PKIA: variants seen among roughly 807,000 people sequenced by gnomAD.
PKIA encodes the protein PKI-alpha.
PKIA carries 4 observed loss-of-function variants against 7.6 expected under a neutral mutation model. The observed-to-expected ratio is 0.52, with a 90% CI of 0.26 to 1.20. PKIA has a LOEUF of 1.20. Ranked by LOEUF, PKIA falls within the 50% of genes most tolerant of loss-of-function variation. PKIA has a pLI of 0.13. For synonymous variants in PKIA, 21 were observed against 30.7 expected, an observed-to-expected ratio of 0.68 and a Z score of 1.04; for missense variants, 73 against 86.2, an observed-to-expected ratio of 0.85 and a Z score of 0.61.
chr8:78,578,118 A>G (rs1397659777), intron 2 of PKIA, among the ~76,000 whole-genome samples: 1 of 152,014 alleles, frequency 6.6e-6, no homozygotes, highest in Non-Finnish European at 1.5e-5. Flanking sequence ...TGTTAAAGTA[A>G]TAAATAATAC....
intron 2 of PKIA, among the ~76,000 whole-genome samples, chr8:78,573,766 G>A (rs1464072549): frequency 6.6e-6 from 1 of 151,964 alleles, no homozygotes; most frequent in Non-Finnish European, 1.5e-5. Context: ...TGCTTTGTGT[G>A]TTGGCTTCTG....
At chr8:78,572,541 GCACACACACA>G (rs1554582465) in intron 1 of PKIA, among the ~76,000 whole-genome samples, 4 of 98,446 alleles carry the variant, frequency 4.1e-5, no homozygotes, top group South Asian at 3.4e-4. Flanking sequence ...AAAGCTGCAC[GCACACACACA>G]CACACACACA....
rs550713398 is a variant in PKIA, at chr8:78,592,876, G to A, written c.-27-5482G>A. On this transcript the variant is annotated intron_variant, in intron 2 of 3. Transcript: ENST00000396418. The stretch of plus-strand genomic sequence containing the variant: ...AGAATTAGATATAAACCCCTACAAG[G>A]ATATGTATTATCATGGCAGTTAGAA... Among the ~76,000 whole-genome samples, 101 of 152,124 alleles carry A rather than the reference G, an allele frequency of 6.6e-4. 1 individual carries two copies. The highest frequency in any genetic ancestry group is 6.8e-3 in the Middle Eastern group (2 of 294).
intron 2 of PKIA, among the ~76,000 whole-genome samples, chr8:78,584,030 C>G (rs1157155714): frequency 6.6e-6 from 1 of 152,062 alleles, no homozygotes; most frequent in East Asian, 1.9e-4. Flanking sequence ...TTCTATAAGA[C>G]TTTTAAAAAT....
At chr8:78,577,178 C>G (rs1295492502) in intron 2 of PKIA, among the ~76,000 whole-genome samples, 1 of 151,894 alleles carries the variant, frequency 6.6e-6, no homozygotes, top group Non-Finnish European at 1.5e-5. Context: ...TATATGTATA[C>G]ATGTGCCATG....
chr8:78,571,495 T>C (rs1339193595), intron 1 of PKIA, among the ~76,000 whole-genome samples: 2 of 152,130 alleles, frequency 1.3e-5, no homozygotes, highest in Admixed American at 1.3e-4. Context: ...GCTGAAACTT[T>C]CAATCCCTGA....
chr8:78,546,173 A>C (rs946875261), intron 1 of PKIA, among the ~76,000 whole-genome samples: 1 of 152,162 alleles, frequency 6.6e-6, no homozygotes, highest in African/African-American at 2.4e-5. Context: ...TGTCCTGGGG[A>C]CATGACTAGT....
Position 78,592,788 on chromosome 8 carries a change from T to A in PKIA, c.-27-5570T>A, listed in dbSNP as rs147425745. ...TATATATACCTTCTCATGGAAAATG[T>A]TACCACATTTCTCTGCCTCATTTTT... On this transcript the variant is annotated intron_variant, in intron 2 of 3. Transcript: ENST00000396418. Among the ~76,000 whole-genome samples the A allele has an allele frequency of 3.5e-3, 540 of 152,284 alleles. 4 individuals carry two copies. Among genetic ancestry groups the A allele is most frequent in the African/African-American group, 0.012 (499 of 41,566 alleles).
At chr8:78,561,239 A>G (rs1807278279) in intron 1 of PKIA, among the ~76,000 whole-genome samples, 1 of 152,180 alleles carries the variant, frequency 6.6e-6, no homozygotes, top group South Asian at 2.1e-4. Flanking sequence ...GTATTTAACT[A>G]CATATAGGTG....
At chr8:78,589,189 G>A (rs1265818009) in intron 2 of PKIA, among the ~76,000 whole-genome samples, 8 of 152,088 alleles carry the variant, frequency 5.3e-5, no homozygotes, top group Non-Finnish European at 1.0e-4. Flanking sequence ...GAAGATGAAT[G>A]ATGACCTTGG....
At chr8:78,599,442 T>G (rs1692786964) in intron 3 of PKIA, among the ~76,000 whole-genome samples, 1 of 151,996 alleles carries the variant, frequency 6.6e-6, no homozygotes, top group Non-Finnish European at 1.5e-5. Context: ...GAAAACTGAG[T>G]CAGAGTATAT....
intron 1 of PKIA, among the ~76,000 whole-genome samples, chr8:78,530,071 T>A (rs1806356234): frequency 6.6e-6 from 1 of 151,964 alleles, no homozygotes; most frequent in South Asian, 2.1e-4. Flanking sequence ...TAGAAGAAGG[T>A]AAGTTTTCCC....
intron 2 of PKIA, among the ~76,000 whole-genome samples, chr8:78,576,127 A>G (rs1038657027): frequency 6.6e-6 from 1 of 152,020 alleles, no homozygotes; most frequent in African/African-American, 2.4e-5. Context: ...TAAAGGGCCT[A>G]TCTCCAAATG....
chr8:78,600,548 TG>T (rs1162729256), intron 3 of PKIA, among the ~76,000 whole-genome samples: 7 of 152,196 alleles, frequency 4.6e-5, no homozygotes, highest in African/African-American at 1.7e-4. Context: ...TGCCCTAATT[TG>T]ACTTCATTTC....
rs931699938 is a variant in PKIA, at chr8:78,602,771, T to C, written c.*950T>C. 1 of 151,056 alleles carries C rather than the reference T, an allele frequency of 6.6e-6. No homozygotes were observed. Among genetic ancestry groups the C allele is most frequent in the South Asian group, 2.1e-4 (1 of 4,796 alleles). The allele number at this position is 151,056 out of a possible 1,614,324, so 9.4% of individuals were successfully genotyped here. ...AGGTAGAAAAGAAAAGCCAAGATCA[T>C]ACTAAGGACTGGAAATATTTTGTTC... On this transcript the variant is annotated 3_prime_UTR_variant, in exon 4 of 4. Transcript: ENST00000396418.
At chr8:78,543,290 G>A (rs1806741607) in intron 1 of PKIA, among the ~76,000 whole-genome samples, 1 of 152,114 alleles carries the variant, frequency 6.6e-6, no homozygotes, top group African/African-American at 2.4e-5. Context: ...GCATTAATGG[G>A]CAAATTGTAA....
intron 1 of PKIA, among the ~76,000 whole-genome samples, chr8:78,537,159 G>A (rs538948327): frequency 6.6e-6 from 1 of 151,226 alleles, no homozygotes; most frequent in East Asian, 2.0e-4. Flanking sequence ...ATTTCCCCAA[G>A]TAACAAGGTT....
At chr8:78,518,199 G>C (rs558583928) in intron 1 of PKIA, among the ~76,000 whole-genome samples, 13 of 152,174 alleles carry the variant, frequency 8.5e-5, no homozygotes, top group African/African-American at 3.1e-4. Flanking sequence ...GAGGGTGTAG[G>C]GGGTGGGCAA....
At chr8:78,573,783 C>T (rs941815764) in intron 2 of PKIA, among the ~76,000 whole-genome samples, 2 of 151,970 alleles carry the variant, frequency 1.3e-5, no homozygotes, top group African/African-American at 4.8e-5. Context: ...TCTGTAGTCT[C>T]AGAACCCAGT....
Sources: allele counts gnomAD v4.1 joint callset (sites outside exome capture counted in the v4.1 genomes callset), GRCh38; gene constraint gnomAD v4.1.1; transcripts MANE v1.5; gene names NCBI Gene and HGNC (gene_info 2026-07-23, HGNC 2026-07-21).